Variants in LRRC4C observed in about 807,000 individuals in gnomAD.
The protein encoded by LRRC4C is leucine-rich repeat-containing protein 4C.
Under a neutral mutation model 33.6 loss-of-function variants are expected in LRRC4C, and 5 were observed. The observed-to-expected ratio is 0.15, with a 90% CI of 0.08 to 0.31. The LOEUF is 0.31. Among genes scored for constraint, LRRC4C ranks in the 10% least tolerant of loss-of-function variants. The pLI is 1.00. For synonymous variants in LRRC4C, 329 were observed against 302.0 expected, an observed-to-expected ratio of 1.09 and a Z score of -0.93; for missense variants, 560 against 796.7, an observed-to-expected ratio of 0.70 and a Z score of 3.58.
At chr11:41,111,886 A>G (rs1941852672) in intron 1 of LRRC4C, among the ~76,000 whole-genome samples, 1 of 152,092 alleles carries the variant, frequency 6.6e-6, no homozygotes, top group Admixed American at 6.6e-5. Context: ...GATAATAGAA[A>G]TATACCCAGA....
chr11:40,836,916 C>A (rs1178440466), intron 2 of LRRC4C, among the ~76,000 whole-genome samples: 4 of 152,138 alleles, frequency 2.6e-5, no homozygotes, highest in Non-Finnish European at 5.9e-5. Context: ...ATAGTTCCAT[C>A]CAGTTCCTCA....
chr11:40,549,316 T>A (rs757898582), intron 3 of LRRC4C, among the ~76,000 whole-genome samples: 4 of 152,294 alleles, frequency 2.6e-5, no homozygotes, highest in Admixed American at 2.6e-4. Flanking sequence ...TCAACTGCAA[T>A]GTCATCTTGA....
At chr11:41,264,180 C>T (rs900441001) in intron 1 of LRRC4C, among the ~76,000 whole-genome samples, 2 of 151,604 alleles carry the variant, frequency 1.3e-5, no homozygotes, top group African/African-American at 4.9e-5. Context: ...CAACCTCCGC[C>T]TCCTGGGTTC....
intron 3 of LRRC4C, among the ~76,000 whole-genome samples, chr11:40,606,208 T>C (rs982571): frequency 0.96 from 145,695 of 152,244 alleles, 70,015 homozygotes; most frequent in Middle Eastern, 1. Flanking sequence ...GCCTAGGAGT[T>C]AGTGAAGGCA....
intron 3 of LRRC4C, among the ~76,000 whole-genome samples, chr11:40,483,013 A>G (rs1237973186): frequency 1.3e-5 from 2 of 152,190 alleles, no homozygotes; most frequent in African/African-American, 2.4e-5. Context: ...ACTCACAAAG[A>G]AAGTCCCCAT....
intron 2 of LRRC4C, among the ~76,000 whole-genome samples, chr11:40,757,809 A>G (rs568865772): frequency 1.3e-5 from 2 of 152,138 alleles, no homozygotes; most frequent in African/African-American, 2.4e-5. Flanking sequence ...CCAAAGGGTA[A>G]TAGCACACCT....
intron 5 of LRRC4C, among the ~76,000 whole-genome samples, chr11:40,170,498 GAGAA>G (rs1859954738): frequency 6.6e-6 from 1 of 151,074 alleles, no homozygotes; most frequent in Non-Finnish European, 1.5e-5. Flanking sequence ...TACATTAAGA[GAGAA>G]AGAGAGAAAA....
rs144326779 is a variant in LRRC4C at position 41,271,361 on chromosome 11, G to A, written c.-496+188070C>T. Among the ~76,000 whole-genome samples the A allele has an allele frequency of 7.0e-4, 107 of 152,150 alleles. 1 individual carries two copies. The highest frequency in any genetic ancestry group is 2.5e-3 in the African/African-American group (105 of 41,510). On this transcript the variant is annotated intron_variant, in intron 1 of 6. Transcript: ENST00000528697. ...GTTAGAGTCTATGGAACCTAACCTC[G>A]ACATTTTCCTCCCAAACTTCTACAA... is the stretch of plus-strand genomic sequence containing the variant.
At chr11:41,029,580 A>C (rs1856588843) in intron 1 of LRRC4C, among the ~76,000 whole-genome samples, 1 of 151,824 alleles carries the variant, frequency 6.6e-6, no homozygotes, top group Non-Finnish European at 1.5e-5. Context: ...ATGTTGGTTC[A>C]TTTAACCTTG....
At chr11:40,761,001 G>C (rs961162294) in intron 2 of LRRC4C, among the ~76,000 whole-genome samples, 6 of 151,094 alleles carry the variant, frequency 4.0e-5, no homozygotes, top group Non-Finnish European at 8.8e-5. Flanking sequence ...TGCCCTTTGA[G>C]GAAGCACAGA....
chr11:41,166,206 C>T (rs986322425), intron 1 of LRRC4C, among the ~76,000 whole-genome samples: 39 of 151,980 alleles, frequency 2.6e-4, no homozygotes, highest in African/African-American at 8.9e-4. Context: ...AAGTTTTCAG[C>T]ACAGAGCCTA....
chr11:41,163,284 G>GTTTTTTCTTTTTTTTTTTTTTTTTTT (rs1944557035), intron 1 of LRRC4C, among the ~76,000 whole-genome samples: 1 of 73,382 alleles, frequency 1.4e-5, no homozygotes, highest in African/African-American at 5.0e-5. Context: ...TACTGTAACT[G>GTTTTTTCTTTTTTTTTTTTTTTTTTT]TTTTTTTTTT....
At chr11:40,565,444 C>T (rs1591123451) in intron 3 of LRRC4C, among the ~76,000 whole-genome samples, 2 of 152,296 alleles carry the variant, frequency 1.3e-5, no homozygotes, top group South Asian at 4.1e-4. Flanking sequence ...CAGTGACTGA[C>T]CTTGAAGAAG....
intron 2 of LRRC4C, among the ~76,000 whole-genome samples, chr11:40,805,411 A>G (rs55779724): frequency 0.13 from 19,525 of 152,262 alleles, 1,726 homozygotes; most frequent in Middle Eastern, 0.31. Context: ...GGAATTTTCA[A>G]TTGTGACAGC....
chr11:40,355,149 C>T (rs939050617), intron 3 of LRRC4C, among the ~76,000 whole-genome samples: 1 of 152,122 alleles, frequency 6.6e-6, no homozygotes, highest in Admixed American at 6.6e-5. Context: ...TCTGAGGGCT[C>T]AGCCTGATGT....
At chr11:41,354,184 A>C (rs1464313069) in intron 1 of LRRC4C, among the ~76,000 whole-genome samples, 1 of 152,138 alleles carries the variant, frequency 6.6e-6, no homozygotes, top group Non-Finnish European at 1.5e-5. Context: ...AAAGTGTGGG[A>C]ATACAAAAGT....
At chr11:41,076,925 C>T (rs1939193454) in intron 1 of LRRC4C, among the ~76,000 whole-genome samples, 1 of 152,132 alleles carries the variant, frequency 6.6e-6, no homozygotes, top group South Asian at 2.1e-4. Flanking sequence ...GCGCTTGTTA[C>T]AAATGGGAGA....
At chr11:40,565,607 C>G in intron 3 of LRRC4C, among the ~76,000 whole-genome samples, 1 of 152,100 alleles carries the variant, frequency 6.6e-6, no homozygotes, top group East Asian at 1.9e-4. Context: ...ACAATTTTGA[C>G]AGTTGCGACA....
intron 1 of LRRC4C, among the ~76,000 whole-genome samples, chr11:41,029,873 G>T (rs557454562): frequency 6.6e-6 from 1 of 151,694 alleles, no homozygotes; most frequent in Non-Finnish European, 1.5e-5. Flanking sequence ...AAGATGGTCC[G>T]GGAAAACACA....
Sources: gnomAD v4.1 joint callset for allele counts (sites outside exome capture counted in the v4.1 genomes callset) on GRCh38, gnomAD v4.1.1 for gene constraint, MANE v1.5 for transcripts, NCBI Gene and HGNC (gene_info 2026-07-23, HGNC 2026-07-21) for gene names.